KIF23: variants seen among roughly 807,000 people sequenced by gnomAD.
KIF23 encodes the protein kinesin family member 23.
KIF23 carries 30 observed loss-of-function variants against 137.5 expected under a neutral mutation model. The observed-to-expected ratio is 0.22, with a 90% CI of 0.16 to 0.30. The LOEUF (loss-of-function observed/expected upper bound fraction) is 0.30, where lower values mean the gene tolerates loss of function less well. Ranked by LOEUF, KIF23 falls within the 10% of genes least tolerant of loss-of-function variation. The probability of loss-of-function intolerance (pLI) is 1.00; values close to 1 mark genes in which losing one functional copy is unlikely to be tolerated. For missense variants in KIF23, 920 were observed against 1,194.3 expected (o/e 0.77, Z 3.38); for synonymous variants, 367 against 391.1 (o/e 0.94, Z 0.73).
intron 1 of KIF23, 59 bp downstream of exon 1, chr15:69,414,535 T>TGGGGACAGGCGTCTCCACTCA: frequency 1.3e-6 from 2 of 1,498,594 alleles, no homozygotes; most frequent in East Asian, 2.6e-5. Context: ...GCCTCGGGGC[T>TGGGGACAGGCGTCTCCACTCA]GGGGGCAGGC....
At chr15:69,428,660 C>CAAAAAAAAAAAAAAA (rs59950355) in intron 10 of KIF23, among the ~76,000 whole-genome samples, 2 of 74,040 alleles carry the variant, frequency 2.7e-5, no homozygotes, top group African/African-American at 5.8e-5. Flanking sequence ...CTCTGTCTCC[C>CAAAAAAAAAAAAAAA]AAAAAAAAAA....
At chr15:69,438,185 A>C in intron 15 of KIF23, 63 bp from the exon 16 acceptor site, 1 of 1,413,370 alleles carries the variant, frequency 7.1e-7, no homozygotes, top group Non-Finnish European at 9.6e-7. Context: ...CTGCTAGCAA[A>C]AGTTGATATC....
Position 69,446,029 on chromosome 15 carries a change from G to A in KIF23, c.2694G>A (p.Arg898=). Residue 898 remains arginine, a synonymous_variant, in exon 21 of 24, where the codon AGG becomes AGA. Transcript: ENST00000679126. ...TTTAGGGTGATATTTATAAAACAAG[G>A]GGTGGTGGACAATCTGTTCAGTTTA... ...KLIKGDIYKT[R]GGGQSVQFTD... is the part of the protein sequence containing the mutation. 1 of 1,613,662 alleles carries A rather than the reference G, an allele frequency of 6.2e-7. No homozygotes were observed.
At chr15:69,433,553 A>G (rs2057403228) in intron 11 of KIF23, among the ~76,000 whole-genome samples, 1 of 152,190 alleles carries the variant, frequency 6.6e-6, no homozygotes, top group Non-Finnish European at 1.5e-5. Context: ...AGACTCTTGC[A>G]TGCTTCTTAT....
At chr15:69,423,061 A>G in intron 6 of KIF23, 98 bp from the exon 7 acceptor site, 4 of 795,862 alleles carry the variant, frequency 5.0e-6, no homozygotes, top group South Asian at 3.2e-5. Flanking sequence ...GGCCTCCCAA[A>G]GTGCTGGGAT....
intron 2 of KIF23, among the ~76,000 whole-genome samples, chr15:69,416,556 T>A (rs545337959): frequency 6.6e-6 from 1 of 152,326 alleles, no homozygotes; most frequent in East Asian, 1.9e-4. Flanking sequence ...TTTAAATCTA[T>A]CCCTCGTTGC....
intron 11 of KIF23, among the ~76,000 whole-genome samples, chr15:69,431,866 ATGTT>A (rs1190493051): frequency 6.6e-6 from 1 of 152,208 alleles, no homozygotes; most frequent in Non-Finnish European, 1.5e-5. Context: ...TGAAGAGATG[ATGTT>A]TAAGTCCAGT....
intron 20 of KIF23, among the ~76,000 whole-genome samples, chr15:69,445,411 A>G (rs574906911): frequency 6.6e-6 from 1 of 152,290 alleles, no homozygotes; most frequent in African/African-American, 2.4e-5. Flanking sequence ...AACGAAACCT[A>G]TGTTAAAATT....
At chr15:69,446,184 A>C (rs1354476806) in intron 21 of KIF23, 93 bp downstream of exon 21, 3 of 1,431,190 alleles carry the variant, frequency 2.1e-6, no homozygotes, top group Admixed American at 1.7e-5. Flanking sequence ...ATGTATCATT[A>C]ATTCTCCAAA....
chr15:69,425,238 T>G (rs1054209477), intron 7 of KIF23, 44 bp from the exon 8 acceptor site: 2 of 1,486,534 alleles, frequency 1.3e-6, no homozygotes, highest in Admixed American at 3.9e-5. Context: ...TGGTGTGAGA[T>G]GGCTGCTGTA....
intron 20 of KIF23, 54 bp from the exon 21 acceptor site, chr15:69,445,955 G>A: frequency 8.1e-7 from 1 of 1,228,060 alleles, no homozygotes; most frequent in Middle Eastern, 1.9e-4. Context: ...ATATATGTGT[G>A]TTTTTCGTTT....
intron 6 of KIF23, among the ~76,000 whole-genome samples, chr15:69,422,744 A>G (rs2057090019): frequency 6.6e-6 from 1 of 151,488 alleles, no homozygotes; most frequent in Non-Finnish European, 1.5e-5. Context: ...TGCTTTGTGC[A>G]TTTCTGCTTG....
intron 11 of KIF23, among the ~76,000 whole-genome samples, chr15:69,429,927 G>T (rs565007626): frequency 4.3e-4 from 65 of 152,168 alleles, no homozygotes; most frequent in African/African-American, 1.5e-3. Context: ...TGAGGTGGGA[G>T]AATTGCTTGA....
chr15:69,422,184 T>TA, intron 5 of KIF23, 56 bp downstream of exon 5: 2 of 1,582,156 alleles, frequency 1.3e-6, no homozygotes, highest in Non-Finnish European at 8.6e-7. Context: ...CACCTATGGA[T>TA]ACAGTAGTAG....
chr15:69,446,913 C>G lies in KIF23; in HGVS notation c.2881C>G (p.Pro961Ala). Residue 961 changes from proline to alanine, a missense_variant, in exon 23 of 24, where the codon CCT becomes GCT. Pro to Ala is a conservative substitution (Grantham distance 27). This residue lies in a region of KIF23 where 75 missense variants were observed against 177.9 expected (regional missense o/e 0.42). Coordinates refer to ENST00000679126, the MANE Select transcript of KIF23 (RefSeq NM_001367805.3). Reference sequence around the variant, plus strand: ...GATGAGAGCAGGATCCCAGCTGGGACCTGGATATCAGCATCACGCACAACC... The same window carrying G: ...GATGAGAGCAGGATCCCAGCTGGGAGCTGGATATCAGCATCACGCACAACC... ...VEMRAGSQLG[P>A]GYQHHAQPKR... The G allele has an allele frequency of 1.9e-6, 3 of 1,614,158 alleles. No individual in the cohort carries two copies. Among genetic ancestry groups the G allele is most frequent in the Non-Finnish European group, 2.5e-6 (3 of 1,180,002 alleles).
intron 3 of KIF23, 72 bp downstream of exon 3, chr15:69,417,583 G>T (rs1230702127): frequency 1.4e-6 from 2 of 1,480,414 alleles, no homozygotes; most frequent in East Asian, 4.7e-5. Flanking sequence ...ATTTTTAGAT[G>T]TAACAAAGTT....
chr15:69,435,131 C>T, intron 11 of KIF23: 2 of 466,088 alleles, frequency 4.3e-6, no homozygotes, highest in Non-Finnish European at 7.6e-6. Flanking sequence ...TGTCAATTGC[C>T]TAGAGAATAT....
Position 69,415,969 on chromosome 15 carries a change from TTATTA to T in KIF23, c.12-23_12-19del. 6.6e-7 allele frequency: 1 copy of T among 1,515,646 alleles called. No homozygotes were observed. Among genetic ancestry groups the T allele is most frequent in the Admixed American group, 2.3e-5 (1 of 44,242 alleles). The allele number at this position is 1,515,646 out of a possible 1,614,324, so 93.9% of individuals were successfully genotyped here. A position where few individuals can be genotyped will look rare whatever the true frequency, so the allele number is the denominator to read the frequency against. The stretch of plus-strand genomic sequence containing the variant: ...TCGTGTTGAACTGAAAAAAAAGTTA[TTATTA>T]TTTTTTAATCTATGACCAGGAGAGC... On this transcript the variant is annotated intron_variant, in intron 1 of 23. Coordinates refer to ENST00000679126, the MANE Select transcript of KIF23 (RefSeq NM_001367805.3).
At chr15:69,434,730 T>C in intron 11 of KIF23, 1 of 1,342,776 alleles carries the variant, frequency 7.4e-7, no homozygotes, top group Non-Finnish European at 1.1e-6. Flanking sequence ...GATCTTCTCC[T>C]TGGGCACGAA....
Sources: gnomAD v4.1 joint callset for allele counts (sites outside exome capture counted in the v4.1 genomes callset) on GRCh38, gnomAD v4.1.1 for gene constraint, gnomAD v4.1.1 regional missense constraint, MANE v1.5 for transcripts, NCBI Gene and HGNC (gene_info 2026-07-23, HGNC 2026-07-21) for gene names.